GALNTL6: variants seen among roughly 807,000 people sequenced by gnomAD.
GALNTL6 encodes the protein polypeptide N-acetylgalactosaminyltransferase-like 6.
GALNTL6 carries 46 observed loss-of-function variants against 73.7 expected under a neutral mutation model. That is an observed-to-expected ratio of 0.62 (90% CI 0.49 to 0.80). GALNTL6 has a LOEUF of 0.80. GALNTL6 is among the 30% of genes least tolerant of loss of function. The probability of loss-of-function intolerance (pLI) is 0.00; values close to 1 mark genes in which losing one functional copy is unlikely to be tolerated. For missense variants in GALNTL6, 604 were observed against 755.0 expected, an observed-to-expected ratio of 0.80 and a Z score of 2.34; for synonymous variants, 259 against 263.7, an observed-to-expected ratio of 0.98 and a Z score of 0.17.
intron 5 of GALNTL6, among the ~76,000 whole-genome samples, chr4:172,745,300 T>C (rs758854522): frequency 4.0e-5 from 6 of 151,788 alleles, no homozygotes; most frequent in Non-Finnish European, 5.9e-5. Context: ...TGCTGTGGGA[T>C]ATAGAGAAAT....
At chr4:172,613,136 G>A (rs1483704303) in intron 5 of GALNTL6, among the ~76,000 whole-genome samples, 1 of 152,106 alleles carries the variant, frequency 6.6e-6, no homozygotes, top group Non-Finnish European at 1.5e-5. Flanking sequence ...AGCCTTTATA[G>A]GGCTTATTTC....
chr4:172,491,915 A>T (rs1268384322), intron 5 of GALNTL6, among the ~76,000 whole-genome samples: 1 of 152,188 alleles, frequency 6.6e-6, no homozygotes, highest in African/African-American at 2.4e-5. Context: ...ATGTTAGAGC[A>T]TTCTTACACA....
chr4:171,931,403 T>C (rs1285507853), intron 2 of GALNTL6, among the ~76,000 whole-genome samples: 1 of 152,182 alleles, frequency 6.6e-6, no homozygotes, highest in South Asian at 2.1e-4. Flanking sequence ...GCACCCTTGA[T>C]TGCAGACACA....
chr4:172,314,835 C>T lies in GALNTL6; in HGVS notation c.386+3083C>T, dbSNP rs571130225. 4.5e-4 allele frequency among the ~76,000 whole-genome samples: 68 copies of T among 152,212 alleles called. No individual in the cohort carries two copies. The East Asian group carries it at 0.012, about 26-fold the overall frequency. Reference sequence around the variant, plus strand: ...ACGTTGGCCAGGCTGGTCTCAAACTCCTGAACTCAGGTGATCCGCCTGCCT... The same window carrying T: ...ACGTTGGCCAGGCTGGTCTCAAACTTCTGAACTCAGGTGATCCGCCTGCCT... On this transcript the variant is annotated intron_variant, in intron 4 of 12. Transcript: ENST00000506823.
chr4:171,892,301 G>A (rs1736784110), intron 2 of GALNTL6, among the ~76,000 whole-genome samples: 1 of 152,132 alleles, frequency 6.6e-6, no homozygotes, highest in Non-Finnish European at 1.5e-5. Flanking sequence ...ATATATAGAG[G>A]ATGGGGAAAG....
At chr4:172,405,429 ATATATATATATATATTTTTTTT>A (rs1168461016) in intron 5 of GALNTL6, among the ~76,000 whole-genome samples, 563 of 16,238 alleles carry the variant, frequency 0.035, 9 homozygotes, top group African/African-American at 0.063. Context: ...ATATATATAT[ATATATATATATATATTTTTTTT>A]TTTTTTTTTT....
intron 2 of GALNTL6, among the ~76,000 whole-genome samples, chr4:171,867,095 A>G (rs1735991407): frequency 6.6e-6 from 1 of 152,146 alleles, no homozygotes; most frequent in Non-Finnish European, 1.5e-5. Context: ...GAGAAAATAT[A>G]TAGACCCTAG....
chr4:173,022,836 A>G (rs11939508), intron 12 of GALNTL6, among the ~76,000 whole-genome samples: 42,086 of 152,118 alleles, frequency 0.28, 6,101 homozygotes, highest in Admixed American at 0.32. Context: ...ATTGTTTGAA[A>G]ATATTTTTAT....
intron 5 of GALNTL6, among the ~76,000 whole-genome samples, chr4:172,432,942 C>T (rs335971): frequency 0.83 from 126,071 of 152,118 alleles, 52,625 homozygotes; most frequent in Non-Finnish European, 0.88. Context: ...TTGATCAAGC[C>T]AAGTAAATTC....
At chr4:172,741,017 A>G (rs1736771947) in intron 5 of GALNTL6, among the ~76,000 whole-genome samples, 1 of 152,174 alleles carries the variant, frequency 6.6e-6, no homozygotes, top group African/African-American at 2.4e-5. Flanking sequence ...TGTAAGTGCA[A>G]AAATTACAGT....
Position 172,336,270 on chromosome 4 carries a change from G to GTTTTTTTTTTTTTTTTTTTTTTTTTTTTT in GALNTL6, c.387-12249_387-12248insTTTTTTTTTTTTTTTTTTTTTTTTTTTTT, listed in dbSNP as rs138448149. On this transcript the variant is annotated intron_variant, in intron 4 of 12. Transcript: ENST00000506823. ...TGAGAACTCTTCTTGGTATAGTTTTGTTTTGTTTTTTTTTTTTTTTGACTG... is the reference window on the plus strand; with the variant it reads ...TGAGAACTCTTCTTGGTATAGTTTTGTTTTTTTTTTTTTTTTTTTTTTTTTTTTTTTTTGTTTTTTTTTTTTTTTGACTG... Among the ~76,000 whole-genome samples the GTTTTTTTTTTTTTTTTTTTTTTTTTTTTT allele has an allele frequency of 5.5e-5, 6 of 108,436 alleles. 3 individuals carry two copies. The highest frequency in any genetic ancestry group is 3.4e-5 in the Non-Finnish European group (2 of 58,166). The allele number at this position is 108,436 out of a possible 152,430, so 71.1% of individuals were successfully genotyped here.
At chr4:172,696,533 T>C (rs1456609139) in intron 5 of GALNTL6, among the ~76,000 whole-genome samples, 3 of 152,154 alleles carry the variant, frequency 2.0e-5, no homozygotes, top group African/African-American at 7.2e-5. Context: ...AGGGATCTGG[T>C]GGGAGGTAAT....
chr4:172,455,293 G>A (rs140558510), intron 5 of GALNTL6, among the ~76,000 whole-genome samples: 8 of 152,214 alleles, frequency 5.3e-5, no homozygotes, highest in Non-Finnish European at 8.8e-5. Flanking sequence ...CATTTGGGCA[G>A]ACACCAAGCT....
chr4:172,340,148 A>G (rs1253393577), intron 4 of GALNTL6, among the ~76,000 whole-genome samples: 1 of 152,116 alleles, frequency 6.6e-6, no homozygotes, highest in Non-Finnish European at 1.5e-5. Context: ...TATGGCATGT[A>G]TTAAGTTGAA....
intron 5 of GALNTL6, among the ~76,000 whole-genome samples, chr4:172,370,722 G>A (rs10017872): frequency 9.3e-5 from 14 of 150,774 alleles, no homozygotes; most frequent in East Asian, 7.8e-4. Context: ...CATACTATCC[G>A]TGACTGGTTA....
At chr4:171,967,250 G>A (rs1739411199) in intron 2 of GALNTL6, among the ~76,000 whole-genome samples, 1 of 152,216 alleles carries the variant, frequency 6.6e-6, no homozygotes, top group Non-Finnish European at 1.5e-5. Context: ...TGAGTACCGT[G>A]TTGAATGTCA....
chr4:172,088,005 T>C (rs948454280), intron 2 of GALNTL6, among the ~76,000 whole-genome samples: 13 of 152,166 alleles, frequency 8.5e-5, no homozygotes, highest in Admixed American at 2.0e-4. Context: ...AAAGTTGCCT[T>C]ATTAAGACTA....
At chr4:171,827,979 A>G (rs1259713839) in intron 2 of GALNTL6, among the ~76,000 whole-genome samples, 2 of 152,212 alleles carry the variant, frequency 1.3e-5, no homozygotes, top group African/African-American at 4.8e-5. Flanking sequence ...TGCATAAAAT[A>G]TATGTAGGTA....
intron 3 of GALNTL6, among the ~76,000 whole-genome samples, chr4:172,237,760 T>C (rs939701752): frequency 6.6e-6 from 1 of 152,176 alleles, no homozygotes; most frequent in Non-Finnish European, 1.5e-5. Context: ...GAGCTGATTT[T>C]TTTATATTAT....
Sources: allele counts gnomAD v4.1 joint callset (sites outside exome capture counted in the v4.1 genomes callset), GRCh38; gene constraint gnomAD v4.1.1; transcripts MANE v1.5; gene names NCBI Gene and HGNC (gene_info 2026-07-23, HGNC 2026-07-21).